Variants in ZGRF1 observed in about 807,000 individuals in gnomAD.
The protein encoded by ZGRF1 is zinc finger GRF-type containing 1.
ZGRF1 carries 196 observed loss-of-function variants against 203.5 expected under a neutral mutation model. That is an observed-to-expected ratio of 0.96 (90% CI 0.86 to 1.08). The LOEUF is 1.08. ZGRF1 is among the 50% of genes least tolerant of loss of function. The pLI, the probability that ZGRF1 is intolerant of heterozygous loss-of-function variation, is 0.00. For missense variants in ZGRF1, 2,326 were observed against 2,416.3 expected, an observed-to-expected ratio of 0.96 and a Z score of 0.78; for synonymous variants, 809 against 841.3, an observed-to-expected ratio of 0.96 and a Z score of 0.66.
chr4:112,572,808 A>G (rs968910178), intron 16 of ZGRF1, among the ~76,000 whole-genome samples: 1 of 152,180 alleles, frequency 6.6e-6, no homozygotes, highest in Admixed American at 6.5e-5. Context: ...AAAATGCTCA[A>G]CATCCCTAAT....
intron 20 of ZGRF1, among the ~76,000 whole-genome samples, chr4:112,555,563 G>A (rs1740780013): frequency 6.6e-6 from 1 of 152,154 alleles, no homozygotes; most frequent in African/African-American, 2.4e-5. Flanking sequence ...AAGAATAATA[G>A]CAACTTAACA....
intron 3 of ZGRF1, among the ~76,000 whole-genome samples, chr4:112,624,853 AC>A (rs1422444799): frequency 6.6e-6 from 1 of 152,266 alleles, no homozygotes; most frequent in East Asian, 1.9e-4. Flanking sequence ...CTAGGTATAT[AC>A]CCAACAGAAA....
chr4:112,586,401 C>T (rs767691958), intron 13 of ZGRF1, 44 bp downstream of exon 13: 4 of 1,456,484 alleles, frequency 2.7e-6, no homozygotes, highest in Admixed American at 4.3e-5. Context: ...TTACTACTTA[C>T]ATGAAGCAGC....
chr4:112,603,727 G>C, intron 9 of ZGRF1, 30 bp from the exon 10 acceptor site: 1 of 1,548,482 alleles, frequency 6.5e-7, no homozygotes, highest in African/African-American at 1.4e-5. Context: ...AATAAGAACT[G>C]CATAACTATA....
chr4:112,541,312 T>C, intron 24 of ZGRF1, 44 bp from the exon 25 acceptor site: 3 of 1,124,368 alleles, frequency 2.7e-6, no homozygotes, highest in Non-Finnish European at 3.7e-6. Context: ...ATTTTTTTGT[T>C]CTTCTAGGGA....
In ZGRF1 at chr4:112,617,838, T is replaced by C; in HGVS notation, c.2204A>G (p.Asp735Gly). The change falls in exon 6 of 28, where the codon GAC becomes GGC. Residue 735 changes from aspartate (D) to glycine (G), a missense_variant. Coordinates refer to ENST00000505019, the MANE Select transcript of ZGRF1 (RefSeq NM_018392.5). ...GGTATTTAATAGTTGGACACTGTTG[T>C]CACTACTAGAAGTTGAGGGTAAAAC... is the stretch of plus-strand genomic sequence containing the variant. ...EHVLPSTSSS[D>G]NSVQLLNTNQ... 1 of 1,614,080 alleles carries C rather than the reference T, an allele frequency of 6.2e-7. No individual in the cohort carries two copies. The highest frequency in any genetic ancestry group is 1.1e-5 in the South Asian group (1 of 91,072).
intron 20 of ZGRF1, among the ~76,000 whole-genome samples, chr4:112,557,035 A>G (rs576837594): frequency 1.3e-5 from 2 of 152,302 alleles, no homozygotes; most frequent in East Asian, 1.9e-4. Context: ...TCTTCTTTGC[A>G]TTCCTCTTAT....
Position 112,562,433 on chromosome 4 carries a change from C to G in ZGRF1, c.4635G>C (p.Leu1545Phe). ...GATTAAAGTAGTCCTGAATGTTTTT[C>G]AAAGTAGTCAGTTCTGTGCTAGCAT... Reference protein sequence around the residue: ...VCNASTELTTLKNIQDYFNPA... With the variant: ...VCNASTELTTFKNIQDYFNPA... Residue 1545 changes from leucine to phenylalanine, a missense_variant, in exon 18 of 28, where the codon TTG (leucine) becomes TTC (phenylalanine). Physicochemically the swap from Leu to Phe is conservative, Grantham distance 22. Coordinates refer to ENST00000505019, the MANE Select transcript of ZGRF1 (RefSeq NM_018392.5). 6.2e-7 allele frequency: 1 copy of G among 1,610,498 alleles called. No individual in the cohort carries two copies. Among genetic ancestry groups the G allele is most frequent in the Non-Finnish European group, 8.5e-7 (1 of 1,178,112 alleles).
chr4:112,542,773 T>TTTCC (rs779098523), intron 24 of ZGRF1, among the ~76,000 whole-genome samples: 7 of 151,886 alleles, frequency 4.6e-5, no homozygotes, highest in African/African-American at 7.2e-5. Context: ...CTTTTCTTTC[T>TTTCC]TTCCTTCCTT....
At chr4:112,596,995 C>T (rs1234345336) in intron 10 of ZGRF1, among the ~76,000 whole-genome samples, 1 of 151,956 alleles carries the variant, frequency 6.6e-6, no homozygotes, top group Non-Finnish European at 1.5e-5. Flanking sequence ...AGGCGGATCA[C>T]TTAAGGTCAG....
chr4:112,589,528 A>G, intron 11 of ZGRF1, 196 bp downstream of exon 11: 1 of 567,664 alleles, frequency 1.8e-6, no homozygotes, highest in Non-Finnish European at 3.1e-6. Context: ...AAGGAACTAG[A>G]TAGCTAGAAG....
rs767422755 is a variant in ZGRF1 at position 112,618,774 on chromosome 4, T to C, written c.1268A>G (p.Glu423Gly). 6.2e-7 allele frequency: 1 copy of C among 1,611,894 alleles called. No individual in the cohort carries two copies. Among genetic ancestry groups the C allele is most frequent in the South Asian group, 1.1e-5 (1 of 91,028 alleles). The stretch of plus-strand genomic sequence containing the variant: ...AGATTCTGATAATATACCATCATTT[T>C]CTGCACTGCTACAAGTAACCTGTAA... ...SSLQVTCSSA[E>G]NDGILSESDI... Residue 423 changes from glutamate to glycine, a missense_variant, in exon 6 of 28, where the codon GAA becomes GGA. By Grantham distance (98) the Glu-to-Gly change is moderately conservative (BLOSUM62 -2). Coordinates refer to ENST00000505019, the MANE Select transcript of ZGRF1 (RefSeq NM_018392.5).
Position 112,587,559 on chromosome 4 carries a change from T to C in ZGRF1, c.3498A>G (p.Arg1166=). 1 of 1,613,928 alleles carries C rather than the reference T, an allele frequency of 6.2e-7. No homozygotes were observed. The highest frequency in any genetic ancestry group is 8.5e-7 in the Non-Finnish European group (1 of 1,179,862). Residue 1166 remains arginine (R), a synonymous_variant, in exon 12 of 28, where the codon AGA becomes AGG. Coordinates refer to ENST00000505019, the MANE Select transcript of ZGRF1 (RefSeq NM_018392.5). ...CCTCAGCAAAGAAGCCATCAGTTAT[T>C]CTCTTATCAACTCTGTTTGGAGTAG... ...NVATPNRVDK[R]ITDGFFAEAV...
At position 112,563,212 on chromosome 4, in the gene ZGRF1, C is replaced by T; in HGVS notation, c.4501G>A (p.Ala1501Thr). ...FELDTFIACS[A>T]FFGPSSINEI... The stretch of plus-strand genomic sequence containing the variant: ...TTGATAGATGATGGTCCAAAGAAAG[C>T]ACTACATGCGATAAAAGTATCCAGC... Residue 1501 changes from alanine (A) to threonine (T), a missense_variant, in exon 17 of 28, where the codon GCT (alanine) becomes ACT (threonine). Coordinates refer to ENST00000505019, the MANE Select transcript of ZGRF1 (RefSeq NM_018392.5). The T allele has an allele frequency of 6.4e-7, 1 of 1,551,148 alleles. No homozygotes were observed. The highest frequency in any genetic ancestry group is 8.7e-7 in the Non-Finnish European group (1 of 1,146,690).
rs750282553 is a variant in ZGRF1 at position 112,631,911 on chromosome 4, T to C, written c.102+19A>G. The C allele has an allele frequency of 2.2e-5, 33 of 1,477,664 alleles. No homozygotes were observed. The highest frequency in any genetic ancestry group is 3.0e-5 in the Non-Finnish European group (33 of 1,088,246). 91.5% of individuals were successfully genotyped at this position (1,477,664 alleles called of 1,614,324 possible). On this transcript the variant is annotated intron_variant, in intron 3 of 27. Transcript: ENST00000505019. ...AGAACCTTGCTCTTGCACCCTATAG[T>C]CAACTGCTTTGTACTCACTTTGTTT...
chr4:112,586,901 G>T (rs1251658641), intron 12 of ZGRF1, among the ~76,000 whole-genome samples: 1 of 152,092 alleles, frequency 6.6e-6, no homozygotes, highest in African/African-American at 2.4e-5. Flanking sequence ...CTATAATAAG[G>T]ATTATTCACA....
rs375127410 is a variant in ZGRF1, at chr4:112,603,702, A to G, written c.2803-5T>C. On this transcript the variant is annotated splice_polypyrimidine_tract_variant and splice_region_variant and intron_variant, in intron 9 of 27. Transcript: ENST00000505019. ...ATGTCCTTGAAACTCAACAGGCTACAGGTAAATTATTAAAAATAAGAACTG... is the reference window on the plus strand; with the variant it reads ...ATGTCCTTGAAACTCAACAGGCTACGGGTAAATTATTAAAAATAAGAACTG... The G allele has an allele frequency of 2.6e-5, 41 of 1,606,938 alleles. No homozygotes were observed. In the African/African-American group the frequency reaches 4.7e-4, roughly 18 times the overall value.
intron 19 of ZGRF1, among the ~76,000 whole-genome samples, chr4:112,559,875 G>A (rs1741628689): frequency 6.6e-6 from 1 of 152,154 alleles, no homozygotes. Context: ...TGAAGGCTTG[G>A]ATTGAGGGGA....
chr4:112,585,306 T>C (rs1227530087), intron 14 of ZGRF1, among the ~76,000 whole-genome samples: 2 of 152,122 alleles, frequency 1.3e-5, no homozygotes, highest in Non-Finnish European at 1.5e-5. Flanking sequence ...AAAAATACTA[T>C]ACAAAAAGTT....
Sources: gnomAD v4.1 joint callset for allele counts (sites outside exome capture counted in the v4.1 genomes callset) on GRCh38, gnomAD v4.1.1 for gene constraint, MANE v1.5 for transcripts, NCBI Gene and HGNC (gene_info 2026-07-23, HGNC 2026-07-21) for gene names.